Variants in ANGPT2 observed in about 807,000 individuals in gnomAD.
ANGPT2 encodes angiopoietin-2.
Under a neutral mutation model 62.9 loss-of-function variants are expected in ANGPT2, and 28 were observed. The ratio of observed to expected loss-of-function variants is 0.44; its 90% CI spans 0.33 to 0.61. The LOEUF (loss-of-function observed/expected upper bound fraction) is 0.61, where lower values mean the gene tolerates loss of function less well. ANGPT2 is among the 20% of genes least tolerant of loss of function. The pLI is 0.03. For missense variants in ANGPT2, 727 were observed against 594.9 expected (o/e 1.22, Z -2.31); for synonymous variants, 284 against 207.8 (o/e 1.37, Z -3.15).
chr8:6,519,657 T>C (rs1816935968), intron 5 of ANGPT2, among the ~76,000 whole-genome samples: 1 of 152,224 alleles, frequency 6.6e-6, no homozygotes, highest in Non-Finnish European at 1.5e-5. Flanking sequence ...ACATCATTCA[T>C]ATGCAGCTTT....
intron 7 of ANGPT2, 102 bp downstream of exon 7, chr8:6,513,574 CTG>C: frequency 1.3e-6 from 1 of 790,096 alleles, no homozygotes; most frequent in Non-Finnish European, 1.9e-6. Context: ...ACCTCGTGAT[CTG>C]CCCACCTCGG....
rs1253464973 is a variant in ANGPT2 at position 6,505,327 on chromosome 8, A to ATATT, written c.1328-2067_1328-2066insAATA. 6.2e-3 allele frequency among the ~76,000 whole-genome samples: 352 copies of ATATT among 56,802 alleles called. 59 individuals carry two copies. Among genetic ancestry groups the ATATT allele is most frequent in the African/African-American group, 0.033 (341 of 10,210 alleles). The allele number at this position is 56,802 out of a possible 152,430, so 37.3% of individuals were successfully genotyped here. A position where few individuals can be genotyped will look rare whatever the true frequency, so the allele number is the denominator to read the frequency against. On this transcript the variant is annotated intron_variant, in intron 8 of 8. Coordinates refer to ENST00000629816, the MANE Select transcript of ANGPT2 (RefSeq NM_001118887.2). Reference sequence around the variant, plus strand: ...TGTATATAACATATATATGTTATATACATATAGAAAGAATATATATATTCT... The same window carrying ATATT: ...TGTATATAACATATATATGTTATATATATTCATATAGAAAGAATATATATATTCT...
chr8:6,529,195 G>A (rs528668485), intron 2 of ANGPT2, among the ~76,000 whole-genome samples: 1 of 152,206 alleles, frequency 6.6e-6, no homozygotes, highest in East Asian at 1.9e-4. Flanking sequence ...GCGTCCATCT[G>A]CAGGGGACTG....
intron 1 of ANGPT2, among the ~76,000 whole-genome samples, chr8:6,534,246 T>C (rs2922881): frequency 0.7 from 105,966 of 151,986 alleles, 37,110 homozygotes; most frequent in Non-Finnish European, 0.72. Context: ...ACAAAAATTG[T>C]AAAACAATAC....
intron 1 of ANGPT2, among the ~76,000 whole-genome samples, chr8:6,540,540 C>G (rs1261923395): frequency 6.6e-6 from 1 of 152,230 alleles, no homozygotes; most frequent in Non-Finnish European, 1.5e-5. Flanking sequence ...ATACCTGACA[C>G]TTGCACAGAT....
chr8:6,562,071 C>T (rs1586637009), intron 1 of ANGPT2, among the ~76,000 whole-genome samples: 2 of 152,208 alleles, frequency 1.3e-5, no homozygotes, highest in Admixed American at 1.3e-4. Context: ...AGTGGTAGGG[C>T]CCTGAGATTC....
chr8:6,558,523 A>C (rs1586618036), intron 1 of ANGPT2, among the ~76,000 whole-genome samples: 1 of 152,320 alleles, frequency 6.6e-6, no homozygotes, highest in Admixed American at 6.5e-5. Context: ...TATCCTTCTC[A>C]AGTTTCATCT....
At chr8:6,558,496 A>G (rs112533659) in intron 1 of ANGPT2, among the ~76,000 whole-genome samples, 1,634 of 152,340 alleles carry the variant, frequency 0.011, 26 homozygotes, top group African/African-American at 0.038. Context: ...GCATCTGATC[A>G]CCAATGGTAA....
At chr8:6,549,973 T>C (rs1289972186) in intron 1 of ANGPT2, among the ~76,000 whole-genome samples, 1 of 152,186 alleles carries the variant, frequency 6.6e-6, no homozygotes, top group Non-Finnish European at 1.5e-5. Flanking sequence ...GCTAGATCCA[T>C]GAAAAGGTTG....
At chr8:6,518,814 G>A (rs1273168796) in intron 5 of ANGPT2, among the ~76,000 whole-genome samples, 1 of 152,110 alleles carries the variant, frequency 6.6e-6, no homozygotes, top group Non-Finnish European at 1.5e-5. Context: ...CAGTTATCCA[G>A]TAGTTACATA....
intron 1 of ANGPT2, among the ~76,000 whole-genome samples, chr8:6,538,837 A>G (rs11775442): frequency 0.2 from 30,091 of 152,238 alleles, 3,043 homozygotes; most frequent in African/African-American, 0.26. Flanking sequence ...ACAACAAGCA[A>G]AACATCCACT....
intron 1 of ANGPT2, among the ~76,000 whole-genome samples, chr8:6,553,050 T>G (rs1823941850): frequency 6.6e-6 from 1 of 152,140 alleles, no homozygotes; most frequent in Admixed American, 6.5e-5. Flanking sequence ...CTTCATACAT[T>G]GGTCCAAACC....
chr8:6,507,341 A>G (rs889164001), intron 8 of ANGPT2, among the ~76,000 whole-genome samples: 1 of 152,196 alleles, frequency 6.6e-6, no homozygotes, highest in Non-Finnish European at 1.5e-5. Flanking sequence ...TTTTGCAGAT[A>G]TGATTTATGT....
At chr8:6,546,164 G>T (rs1009369647) in intron 1 of ANGPT2, among the ~76,000 whole-genome samples, 1 of 152,238 alleles carries the variant, frequency 6.6e-6, no homozygotes, top group Non-Finnish European at 1.5e-5. Context: ...AAAATTAAGT[G>T]GAATGAGTTA....
chr8:6,506,579 C>T (rs7834316), intron 8 of ANGPT2, among the ~76,000 whole-genome samples: 1,945 of 152,188 alleles, frequency 0.013, 43 homozygotes, highest in African/African-American at 0.045. Flanking sequence ...AAACAAAGTC[C>T]TAGGTGTCTG....
intron 8 of ANGPT2, among the ~76,000 whole-genome samples, chr8:6,504,435 T>C (rs975773518): frequency 6.6e-6 from 1 of 151,816 alleles, no homozygotes; most frequent in Non-Finnish European, 1.5e-5. Context: ...ATCTCCTCTA[T>C]CCAGTGGATC....
intron 5 of ANGPT2, among the ~76,000 whole-genome samples, chr8:6,517,886 C>T (rs1816576398): frequency 6.6e-6 from 1 of 152,172 alleles, no homozygotes; most frequent in African/African-American, 2.4e-5. Flanking sequence ...TAACAATTGA[C>T]ACCACTTATT....
At chr8:6,507,240 C>T (rs1300595893) in intron 8 of ANGPT2, among the ~76,000 whole-genome samples, 2 of 152,098 alleles carry the variant, frequency 1.3e-5, no homozygotes, top group African/African-American at 4.8e-5. Context: ...TAACTTGGGT[C>T]ATCCATTTGT....
chr8:6,504,224 A>G (rs1210965758), intron 8 of ANGPT2, among the ~76,000 whole-genome samples: 1 of 146,152 alleles, frequency 6.8e-6, no homozygotes, highest in Non-Finnish European at 1.5e-5. Context: ...AGGCTGAGGC[A>G]GGAGAATGGC....
Sources: allele counts gnomAD v4.1 joint callset (sites outside exome capture counted in the v4.1 genomes callset), GRCh38; gene constraint gnomAD v4.1.1; transcripts MANE v1.5; gene names NCBI Gene and HGNC (gene_info 2026-07-23, HGNC 2026-07-21).